ACACA: variants seen among roughly 807,000 people sequenced by gnomAD.
The protein encoded by ACACA is acetyl-CoA carboxylase alpha.
A neutral mutation model predicts 296.1 loss-of-function variants in ACACA; 103 were observed. The observed-to-expected ratio is 0.35, with a 90% CI of 0.30 to 0.41. The LOEUF (loss-of-function observed/expected upper bound fraction) is 0.41, where lower values mean the gene tolerates loss of function less well. ACACA is among the 10% of genes least tolerant of loss of function. The pLI is 1.00. For synonymous variants in ACACA, 953 were observed against 1,038.6 expected (o/e 0.92, Z 1.58); for missense variants, 1,554 against 2,989.7 (o/e 0.52, Z 11.20).
At position 37,390,175 on chromosome 17, in the gene ACACA, T is replaced by TATACACACAC. The variant is rs60788220; in HGVS notation, c.38+16086_38+16087insGTGTGTGTAT. Among the ~76,000 whole-genome samples, 47 of 44,504 alleles carry TATACACACAC rather than the reference T, an allele frequency of 1.1e-3. 1 individual carries two copies. The highest frequency in any genetic ancestry group is 1.9e-3 in the South Asian group (3 of 1,612). The allele number at this position is 44,504 out of a possible 152,430, so 29.2% of individuals were successfully genotyped here. On this transcript the variant is annotated intron_variant, in intron 1 of 55. Transcript: ENST00000616317. Reference sequence around the variant, plus strand: ...ATATATATATATATATATATATATATACACACACACATTATATATAAATAT... The same window carrying TATACACACAC: ...ATATATATATATATATATATATATATATACACACACACACACACACATTATATATAAATAT...
At chr17:37,241,411 TATTA>T (rs1309839725) in intron 23 of ACACA, among the ~76,000 whole-genome samples, 2 of 152,096 alleles carry the variant, frequency 1.3e-5, no homozygotes, top group African/African-American at 4.8e-5. Context: ...TTCTGTGCCT[TATTA>T]ATTGACAGGC....
At chr17:37,397,997 G>A (rs1481230055) in intron 1 of ACACA, among the ~76,000 whole-genome samples, 2 of 152,050 alleles carry the variant, frequency 1.3e-5, no homozygotes, top group East Asian at 1.9e-4. Flanking sequence ...TTGGGAGGCC[G>A]AGGCAGGTGG....
intron 2 of ACACA, among the ~76,000 whole-genome samples, chr17:37,331,386 G>A (rs1297585711): frequency 6.7e-6 from 1 of 149,140 alleles, no homozygotes; most frequent in Non-Finnish European, 1.5e-5. Flanking sequence ...GGGATTCCAG[G>A]TGTGAGCCAC....
At chr17:37,299,023 G>A (rs939729186) in intron 3 of ACACA, among the ~76,000 whole-genome samples, 3 of 152,294 alleles carry the variant, frequency 2.0e-5, no homozygotes, top group South Asian at 2.1e-4. Context: ...GGGTCTGCAT[G>A]GGGTGCTTGT....
chr17:37,349,842 A>G (rs898106682), intron 1 of ACACA, among the ~76,000 whole-genome samples: 6 of 152,118 alleles, frequency 3.9e-5, no homozygotes, highest in Non-Finnish European at 7.4e-5. Context: ...TACAGGCATG[A>G]GCCACTGCAC....
At chr17:37,310,793 C>CAAAAAAAAAA (rs74268026) in intron 3 of ACACA, among the ~76,000 whole-genome samples, 35 of 50,194 alleles carry the variant, frequency 7.0e-4, no homozygotes, top group Non-Finnish European at 8.3e-4. Context: ...GACACCATCT[C>CAAAAAAAAAA]AAAAAAAAAA....
At chr17:37,362,943 C>G (rs1278258055) in intron 1 of ACACA, among the ~76,000 whole-genome samples, 3 of 148,970 alleles carry the variant, frequency 2.0e-5, no homozygotes, top group Non-Finnish European at 4.4e-5. Context: ...CCACTGCACT[C>G]CAGCCTGGCG....
intron 52 of ACACA, 71 bp from the exon 53 acceptor site, chr17:37,098,055 A>G: frequency 6.3e-7 from 1 of 1,596,130 alleles, no homozygotes; most frequent in Non-Finnish European, 8.6e-7. Context: ...AGCAGCCACA[A>G]TCACGGGAAG....
At chr17:37,139,941 T>C (rs1379063700) in intron 45 of ACACA, among the ~76,000 whole-genome samples, 1 of 152,208 alleles carries the variant, frequency 6.6e-6, no homozygotes, top group Admixed American at 6.5e-5. Flanking sequence ...ATTGGTCATA[T>C]CACAAAACTG....
In ACACA at chr17:37,128,024, C is replaced by CAAAAAAAAAAA. The variant is rs1173864454; in HGVS notation, c.5944+1330_5944+1340dup. ...GGAGGACAAGAGTGAAACTCCATCT[C>CAAAAAAAAAAA]AAAAAAAAAAAAAAAAAAAAAAAAA... On this transcript the variant is annotated intron_variant, in intron 47 of 55. Transcript: ENST00000616317. Among the ~76,000 whole-genome samples, 16 of 39,736 alleles carry CAAAAAAAAAAA rather than the reference C, an allele frequency of 4.0e-4. 1 individual carries two copies. The highest frequency in any genetic ancestry group is 1.0e-3 in the East Asian group (2 of 2,010). 26.1% of individuals were successfully genotyped at this position (39,736 alleles called of 152,430 possible). A position where few individuals can be genotyped will look rare whatever the true frequency, so the allele number is the denominator to read the frequency against.
At chr17:37,357,000 T>C (rs2049172831) in intron 1 of ACACA, among the ~76,000 whole-genome samples, 1 of 152,202 alleles carries the variant, frequency 6.6e-6, no homozygotes, top group South Asian at 2.1e-4. Context: ...CACCTGAACC[T>C]GTTCACAGCA....
At chr17:37,206,696 A>G (rs1258299264) in intron 32 of ACACA, 87 bp downstream of exon 32, 2 of 1,116,464 alleles carry the variant, frequency 1.8e-6, no homozygotes, top group East Asian at 2.4e-5. Flanking sequence ...ATTCTTTCCT[A>G]TAATAGTTCA....
At chr17:37,399,639 T>C (rs1206598483) in intron 1 of ACACA, among the ~76,000 whole-genome samples, 1 of 152,154 alleles carries the variant, frequency 6.6e-6, no homozygotes, top group Non-Finnish European at 1.5e-5. Context: ...TGGTGACTCA[T>C]GAGACAGATA....
rs60487601 is a variant in ACACA, at chr17:37,218,147, C to CAAAAAAA, written c.3683+3570_3683+3576dup. Among the ~76,000 whole-genome samples, 17 of 116,480 alleles carry CAAAAAAA rather than the reference C, an allele frequency of 1.5e-4. 1 individual carries two copies. Among genetic ancestry groups the CAAAAAAA allele is most frequent in the Non-Finnish European group, 1.5e-4 (9 of 59,026 alleles). 76.4% of individuals were successfully genotyped at this position (116,480 alleles called of 152,430 possible). A position where few individuals can be genotyped will look rare whatever the true frequency, so the allele number is the denominator to read the frequency against. On this transcript the variant is annotated intron_variant, in intron 29 of 55. Transcript: ENST00000616317. ...CTCTCTCCACGGGCACTACCAGTAA[C>CAAAAAAA]AAAAAAAAAAAAAAAAAAAAGAGGG...
At chr17:37,362,041 A>T (rs1300589206) in intron 1 of ACACA, among the ~76,000 whole-genome samples, 1 of 152,222 alleles carries the variant, frequency 6.6e-6, no homozygotes, top group Non-Finnish European at 1.5e-5. Flanking sequence ...CTAATCCAGT[A>T]TGACTGTCGT....
intron 48 of ACACA, among the ~76,000 whole-genome samples, chr17:37,124,658 G>GCA (rs1383833895): frequency 1.3e-5 from 2 of 152,106 alleles, no homozygotes; most frequent in Non-Finnish European, 2.9e-5. Flanking sequence ...AGAAGCCTGG[G>GCA]GTGAGATAAA....
At chr17:37,176,366 A>G (rs1194698499) in intron 41 of ACACA, among the ~76,000 whole-genome samples, 1 of 152,206 alleles carries the variant, frequency 6.6e-6, no homozygotes, top group African/African-American at 2.4e-5. Flanking sequence ...CATAGCACCA[A>G]TGCATTTACA....
intron 29 of ACACA, among the ~76,000 whole-genome samples, chr17:37,217,734 CAAAAAAAAAAAAAAAA>C (rs57846347): frequency 6.8e-5 from 2 of 29,372 alleles, no homozygotes; most frequent in Non-Finnish European, 5.2e-5. Context: ...GACTCCATCT[CAAAAAAAAAAAAAAAA>C]AAAAAAAAAA....
At chr17:37,287,046 T>C (rs565073259) in intron 3 of ACACA, among the ~76,000 whole-genome samples, 1 of 152,326 alleles carries the variant, frequency 6.6e-6, no homozygotes, top group East Asian at 1.9e-4. Context: ...ATTTTCCTTG[T>C]GACTGCACCT....
Sources: allele counts gnomAD v4.1 joint callset (sites outside exome capture counted in the v4.1 genomes callset), GRCh38; gene constraint gnomAD v4.1.1; transcripts MANE v1.5; gene names NCBI Gene and HGNC (gene_info 2026-07-23, HGNC 2026-07-21).